The following EPHA3 variants were observed in gnomAD, a reference collection of about 807,000 sequenced individuals.
EPHA3 encodes the protein ephrin type-A receptor 3.
In EPHA3, 42 loss-of-function variants were observed where a neutral mutation model predicts 107.1. That is an observed-to-expected ratio of 0.39 (90% CI 0.31 to 0.51). The LOEUF (loss-of-function observed/expected upper bound fraction) is 0.51. EPHA3 is among the 20% of genes least tolerant of loss of function. The pLI, the probability that EPHA3 is intolerant of heterozygous loss-of-function variation, is 0.78. For synonymous variants in EPHA3, 461 were observed against 424.8 expected (o/e 1.09, Z -1.05); for missense variants, 1,183 against 1,211.2 (o/e 0.98, Z 0.35).
intron 2 of EPHA3, among the ~76,000 whole-genome samples, chr3:89,128,883 T>C (rs917783684): frequency 6.6e-6 from 1 of 151,948 alleles, no homozygotes; most frequent in African/African-American, 2.4e-5. Context: ...AATTCCCCCA[T>C]TGTTATTCTC....
At chr3:89,137,816 T>G (rs1205197514) in intron 2 of EPHA3, among the ~76,000 whole-genome samples, 1 of 152,038 alleles carries the variant, frequency 6.6e-6, no homozygotes, top group Non-Finnish European at 1.5e-5. Context: ...CACATTATTT[T>G]TATTAATTTT....
chr3:89,119,267 C>A (rs1019731132), intron 1 of EPHA3, among the ~76,000 whole-genome samples: 5 of 151,988 alleles, frequency 3.3e-5, no homozygotes, highest in African/African-American at 1.2e-4. Flanking sequence ...AAAATAGAAC[C>A]ATCTCCATAT....
chr3:89,168,412 T>C (rs1249399848), intron 2 of EPHA3, among the ~76,000 whole-genome samples: 2 of 152,154 alleles, frequency 1.3e-5, no homozygotes, highest in African/African-American at 4.8e-5. Context: ...TCATAAGTCA[T>C]TCTCTAATGT....
At chr3:89,227,490 C>T (rs1301837140) in intron 3 of EPHA3, among the ~76,000 whole-genome samples, 1 of 151,848 alleles carries the variant, frequency 6.6e-6, no homozygotes, top group Admixed American at 6.6e-5. Flanking sequence ...AGAACTTGTA[C>T]GTTACGAGAG....
chr3:89,347,447 T>C (rs1174832209), intron 5 of EPHA3, among the ~76,000 whole-genome samples: 2 of 149,804 alleles, frequency 1.3e-5, no homozygotes, highest in Admixed American at 6.7e-5. Context: ...ATGCTTGTGA[T>C]TTTTGCACAT....
At chr3:89,373,940 G>T (rs1559670349) in intron 5 of EPHA3, among the ~76,000 whole-genome samples, 1 of 151,576 alleles carries the variant, frequency 6.6e-6, no homozygotes, top group East Asian at 1.9e-4. Context: ...GAGTCCATTT[G>T]GTCTGATTAC....
chr3:89,348,006 A>C (rs1707714397), intron 5 of EPHA3, among the ~76,000 whole-genome samples: 1 of 150,670 alleles, frequency 6.6e-6, no homozygotes, highest in Admixed American at 6.7e-5. Flanking sequence ...GTGCTGCTGG[A>C]TTCGATTTGC....
intron 6 of EPHA3, among the ~76,000 whole-genome samples, chr3:89,396,953 T>G (rs1708861566): frequency 6.6e-6 from 1 of 152,182 alleles, no homozygotes; most frequent in Non-Finnish European, 1.5e-5. Flanking sequence ...CTAATAAATA[T>G]TAGGCATCTG....
chr3:89,268,610 T>C (rs1705591456), intron 3 of EPHA3, among the ~76,000 whole-genome samples: 1 of 152,050 alleles, frequency 6.6e-6, no homozygotes, highest in Non-Finnish European at 1.5e-5. Context: ...TTGAATTCAC[T>C]TTTAGTAGTG....
chr3:89,429,817 G>A lies in EPHA3; in HGVS notation c.2136+650G>A, dbSNP rs533875423. 2.0e-5 allele frequency among the ~76,000 whole-genome samples: 3 copies of A among 152,018 alleles called. No individual in the cohort carries two copies. The South Asian group carries it at 6.2e-4, about 32-fold the overall frequency. On this transcript the variant is annotated intron_variant, in intron 12 of 16. Transcript: ENST00000336596. ...TGCAATGGTGCAATGGTGCAATGGT[G>A]CAATGGTGCAATCTTGGCTCACTGC...
chr3:89,394,634 T>C (rs6803870), intron 5 of EPHA3, among the ~76,000 whole-genome samples: 124,424 of 152,164 alleles, frequency 0.82, 51,039 homozygotes, highest in Admixed American at 0.85. Flanking sequence ...AAAGTTTGAA[T>C]GAGAGGTCGG....
rs1705335852 is a variant in EPHA3, at chr3:89,258,413, G to A, written c.814+47893G>A. Among the ~76,000 whole-genome samples the A allele has an allele frequency of 1.3e-5, 2 of 152,264 alleles. 1 individual carries two copies. Among genetic ancestry groups the A allele is most frequent in the South Asian group, 4.2e-4 (2 of 4,806 alleles). On this transcript the variant is annotated intron_variant, in intron 3 of 16. Transcript: ENST00000336596. The stretch of plus-strand genomic sequence containing the variant: ...ATTGTATCAAAGTTAATCTTGGAAG[G>A]TGTGATAATGTTGTGCTTATGAGAC...
At chr3:89,413,372 C>A in intron 10 of EPHA3, 106 bp downstream of exon 10, 1 of 1,428,364 alleles carries the variant, frequency 7.0e-7, no homozygotes, top group Non-Finnish European at 9.8e-7. Context: ...TTTCTGATTT[C>A]ATGATCAAAG....
At chr3:89,478,097 A>G (rs1240561226) in intron 16 of EPHA3, among the ~76,000 whole-genome samples, 1 of 152,176 alleles carries the variant, frequency 6.6e-6, no homozygotes, top group Non-Finnish European at 1.5e-5. Context: ...TGAACTAATT[A>G]CTTGAAACAA....
chr3:89,164,161 C>T (rs915335045), intron 2 of EPHA3, among the ~76,000 whole-genome samples: 2 of 152,146 alleles, frequency 1.3e-5, no homozygotes, highest in African/African-American at 2.4e-5. Context: ...GTAGCCTAGA[C>T]AAGGAATGTC....
chr3:89,185,370 A>C (rs1705539409), intron 2 of EPHA3, among the ~76,000 whole-genome samples: 1 of 152,074 alleles, frequency 6.6e-6, no homozygotes, highest in Non-Finnish European at 1.5e-5. Flanking sequence ...GGCTGAATTA[A>C]GCATTTTATT....
intron 2 of EPHA3, among the ~76,000 whole-genome samples, chr3:89,136,946 T>A (rs1249567621): frequency 6.6e-6 from 1 of 151,952 alleles, no homozygotes; most frequent in African/African-American, 2.4e-5. Context: ...CTAAAACAAA[T>A]AACTTTGGCA....
chr3:89,363,119 A>G (rs1708125392), intron 5 of EPHA3, among the ~76,000 whole-genome samples: 1 of 150,900 alleles, frequency 6.6e-6, no homozygotes, highest in Non-Finnish European at 1.5e-5. Flanking sequence ...TTTTTCAATT[A>G]TATTAGTCCA....
intron 3 of EPHA3, among the ~76,000 whole-genome samples, chr3:89,247,191 A>G (rs770397436): frequency 4.1e-4 from 62 of 152,222 alleles, no homozygotes; most frequent in Non-Finnish European, 8.1e-4. Context: ...AAATCATTTC[A>G]GGGCAATACT....
Sources: allele counts gnomAD v4.1 joint callset (sites outside exome capture counted in the v4.1 genomes callset), GRCh38; gene constraint gnomAD v4.1.1; transcripts MANE v1.5; gene names NCBI Gene and HGNC (gene_info 2026-07-23, HGNC 2026-07-21).